INO80: variants seen among roughly 807,000 people sequenced by gnomAD.
INO80 encodes chromatin-remodeling ATPase INO80.
INO80 carries 20 observed loss-of-function variants against 203.4 expected under a neutral mutation model. The observed-to-expected ratio is 0.10, with a 90% CI of 0.07 to 0.14. The LOEUF (loss-of-function observed/expected upper bound fraction) is 0.14, where lower values mean the gene tolerates loss of function less well. Among genes scored for constraint, INO80 ranks in the 10% least tolerant of loss-of-function variants. The pLI is 1.00. For missense variants in INO80, 1,419 were observed against 1,914.4 expected (o/e 0.74, Z 4.83); for synonymous variants, 726 against 685.2 (o/e 1.06, Z -0.93).
At chr15:41,058,572 T>TGTGC in intron 16 of INO80, 67 bp downstream of exon 16, 4 of 167,006 alleles carry the variant, frequency 2.4e-5, no homozygotes, top group Non-Finnish European at 3.8e-5. Flanking sequence ...TGTGTGTGCG[T>TGTGC]GTGTGTGTGT....
At chr15:41,045,971 A>G (rs2044751224) in intron 23 of INO80, among the ~76,000 whole-genome samples, 1 of 151,880 alleles carries the variant, frequency 6.6e-6, no homozygotes, top group Non-Finnish European at 1.5e-5. Flanking sequence ...AAGTAATAAA[A>G]TCAGTGAGAA....
intron 1 of INO80, among the ~76,000 whole-genome samples, chr15:41,100,075 A>G (rs546350959): frequency 6.6e-6 from 1 of 152,060 alleles, no homozygotes; most frequent in South Asian, 2.1e-4. Flanking sequence ...AATGAATGGA[A>G]TATTTTCTTT....
At chr15:41,022,470 G>C (rs896279020) in intron 25 of INO80, among the ~76,000 whole-genome samples, 7 of 151,638 alleles carry the variant, frequency 4.6e-5, no homozygotes, top group African/African-American at 1.5e-4. Context: ...TGAGGGAGGG[G>C]CCAATAGACC....
intron 24 of INO80, among the ~76,000 whole-genome samples, chr15:41,036,234 A>T (rs960614845): frequency 1.3e-5 from 2 of 151,600 alleles, no homozygotes; most frequent in Non-Finnish European, 2.9e-5. Context: ...CAGCCAACAG[A>T]AACAGTGTGA....
intron 27 of INO80, among the ~76,000 whole-genome samples, chr15:41,007,765 C>CAAAA (rs34661844): frequency 0.035 from 4,652 of 134,610 alleles, 125 homozygotes; most frequent in South Asian, 0.042. Context: ...TAAATAGCTT[C>CAAAA]AAAAAAAAAA....
intron 28 of INO80, among the ~76,000 whole-genome samples, chr15:41,000,361 T>G (rs566086137): frequency 7.9e-5 from 12 of 152,104 alleles, no homozygotes; most frequent in African/African-American, 2.6e-4. Flanking sequence ...AGACAAGGCA[T>G]TTGAGAAGTA....
At chr15:41,091,708 G>A (rs974425109) in intron 5 of INO80, among the ~76,000 whole-genome samples, 6 of 140,780 alleles carry the variant, frequency 4.3e-5, no homozygotes, top group Admixed American at 2.3e-4. Context: ...AGGCTGGAGT[G>A]CAGTGCTGTG....
At chr15:40,983,952 C>A (rs1259879317) in intron 33 of INO80, 31 bp from the exon 34 acceptor site, 1 of 1,606,502 alleles carries the variant, frequency 6.2e-7, no homozygotes, top group Non-Finnish European at 8.5e-7. Flanking sequence ...ATCATTACGA[C>A]CCCCTGTGCT....
rs190051171 is a variant in INO80, at chr15:41,035,725, C to T, written c.2908-7989G>A. 2.8e-3 allele frequency among the ~76,000 whole-genome samples: 403 copies of T among 142,778 alleles called. 3 individuals carry two copies. Among genetic ancestry groups the T allele is most frequent in the South Asian group, 0.014 (60 of 4,408 alleles). 93.7% of individuals were successfully genotyped at this position (142,778 alleles called of 152,430 possible). A position where few individuals can be genotyped will look rare whatever the true frequency, so the allele number is the denominator to read the frequency against. On this transcript the variant is annotated intron_variant, in intron 24 of 35. Coordinates refer to ENST00000648947, the MANE Select transcript of INO80 (RefSeq NM_017553.3). ...TAGGCCCAGCTACTCGGGAGGCTGA[C>T]GCAGGAGAATGGCGTGAAACTGGGA...
intron 9 of INO80, among the ~76,000 whole-genome samples, chr15:41,075,446 A>AT (rs957463893): frequency 1.3e-4 from 19 of 146,528 alleles, no homozygotes; most frequent in South Asian, 4.3e-4. Context: ...TAATTTTTCT[A>AT]TTTTTTTTTG....
intron 18 of INO80, 32 bp downstream of exon 18, chr15:41,055,215 T>C (rs935013515): frequency 2.4e-6 from 3 of 1,248,612 alleles, no homozygotes; most frequent in African/African-American, 3.0e-5. Context: ...CACTGATAGG[T>C]AGATAGAAAG....
chr15:41,011,269 G>A (rs2044130103), intron 27 of INO80, among the ~76,000 whole-genome samples: 1 of 152,162 alleles, frequency 6.6e-6, no homozygotes, highest in Admixed American at 6.6e-5. Context: ...GAGTGACTCA[G>A]TTAGAAATAA....
chr15:41,111,711 G>C (rs1244174241), intron 1 of INO80, among the ~76,000 whole-genome samples: 1 of 151,818 alleles, frequency 6.6e-6, no homozygotes, highest in African/African-American at 2.4e-5. Context: ...GCTGAGGCAG[G>C]AGAATCACTT....
chr15:41,072,069 A>G lies in INO80; in HGVS notation c.1396-11T>C. 1.8e-6 allele frequency: 2 copies of G among 1,125,162 alleles called. No individual in the cohort carries two copies. The highest frequency in any genetic ancestry group is 2.4e-6 in the Non-Finnish European group (2 of 830,528). The allele number at this position is 1,125,162 out of a possible 1,614,324, so 69.7% of individuals were successfully genotyped here. Reference sequence around the variant, plus strand: ...ATCAAATGACCTTGTCTGGAAAGTAAAAAAAAAAAAAATTAGAAAAAAAAA... The same window carrying G: ...ATCAAATGACCTTGTCTGGAAAGTAGAAAAAAAAAAAATTAGAAAAAAAAA... On this transcript the variant is annotated splice_polypyrimidine_tract_variant and intron_variant, in intron 11 of 35. Coordinates refer to ENST00000648947, the MANE Select transcript of INO80 (RefSeq NM_017553.3).
intron 26 of INO80, 45 bp from the exon 27 acceptor site, chr15:41,016,260 A>T (rs1358219525): frequency 1.3e-6 from 2 of 1,594,172 alleles, no homozygotes; most frequent in African/African-American, 2.7e-5. Context: ...ATTTAATTGA[A>T]GCGACAAAAT....
intron 17 of INO80, among the ~76,000 whole-genome samples, chr15:41,056,394 A>G (rs1333186169): frequency 6.6e-6 from 1 of 152,252 alleles, no homozygotes; most frequent in Non-Finnish European, 1.5e-5. Context: ...TGTGGTCAGT[A>G]TTCCTTAAAT....
At chr15:41,023,794 C>T (rs1311132868) in intron 25 of INO80, among the ~76,000 whole-genome samples, 7 of 108,808 alleles carry the variant, frequency 6.4e-5, no homozygotes, top group Non-Finnish European at 1.3e-4. Context: ...CAAAACAAAA[C>T]GAAAAAAAGA....
At chr15:41,070,870 C>CA (rs1434380414) in intron 12 of INO80, among the ~76,000 whole-genome samples, 2 of 152,026 alleles carry the variant, frequency 1.3e-5, no homozygotes, top group Non-Finnish European at 2.9e-5. Context: ...CTCCAGGTTA[C>CA]AAAAAAACAA....
Position 41,005,705 on chromosome 15 carries a change from A to C in INO80, c.3403-18T>G. ...ATGTATTCCTGCCAACCAGGATAAAAGGACACAGTAAATCTGATGCAAATT... is the reference window on the plus strand; with the variant it reads ...ATGTATTCCTGCCAACCAGGATAAACGGACACAGTAAATCTGATGCAAATT... On this transcript the variant is annotated intron_variant, in intron 27 of 35. Coordinates refer to ENST00000648947, the MANE Select transcript of INO80 (RefSeq NM_017553.3). 7.4e-7 allele frequency: 1 copy of C among 1,354,692 alleles called. No homozygotes were observed. The highest frequency in any genetic ancestry group is 1.1e-6 in the Non-Finnish European group (1 of 946,252). 83.9% of individuals were successfully genotyped at this position (1,354,692 alleles called of 1,614,324 possible).
Sources: allele counts gnomAD v4.1 joint callset (sites outside exome capture counted in the v4.1 genomes callset), GRCh38; gene constraint gnomAD v4.1.1; transcripts MANE v1.5; gene names NCBI Gene and HGNC (gene_info 2026-07-23, HGNC 2026-07-21).